Variants in KCNJ6 observed in about 807,000 individuals in gnomAD.
KCNJ6 encodes the protein G protein-activated inward rectifier potassium channel 2.
KCNJ6 carries 9 observed loss-of-function variants against 34.2 expected under a neutral mutation model. That is an observed-to-expected ratio of 0.26 (90% confidence interval 0.16 to 0.46). KCNJ6 has a LOEUF of 0.46. Among genes scored for constraint, KCNJ6 ranks in the 20% least tolerant of loss-of-function variants. KCNJ6 has a pLI of 1.00. For synonymous variants in KCNJ6, 196 were observed against 207.1 expected, an observed-to-expected ratio of 0.95 and a Z score of 0.46; for missense variants, 236 against 531.3, an observed-to-expected ratio of 0.44 and a Z score of 5.46.
chr21:37,637,920 A>G (rs889153727), intron 3 of KCNJ6, among the ~76,000 whole-genome samples: 1 of 152,210 alleles, frequency 6.6e-6, no homozygotes, highest in African/African-American at 2.4e-5. Flanking sequence ...CCCTGCTGAC[A>G]CCTTGATCTT....
chr21:37,818,950 A>T (rs2123551796), intron 2 of KCNJ6, among the ~76,000 whole-genome samples: 1 of 152,288 alleles, frequency 6.6e-6, no homozygotes, highest in African/African-American at 2.4e-5. Flanking sequence ...ATTAACAGAC[A>T]GGATAAAGCA....
intron 3 of KCNJ6, among the ~76,000 whole-genome samples, chr21:37,650,705 A>G (rs1170256481): frequency 6.6e-6 from 1 of 152,180 alleles, no homozygotes; most frequent in African/African-American, 2.4e-5. Context: ...TCACTTGACA[A>G]TTTTTGAGGT....
At chr21:37,753,599 A>C (rs1469047171) in intron 2 of KCNJ6, among the ~76,000 whole-genome samples, 2 of 152,228 alleles carry the variant, frequency 1.3e-5, no homozygotes, top group African/African-American at 4.8e-5. Context: ...TGCAAAGGGC[A>C]GTCTGGAGAT....
chr21:37,712,858 G>GTA (rs543511471), intron 3 of KCNJ6, among the ~76,000 whole-genome samples: 2 of 150,612 alleles, frequency 1.3e-5, no homozygotes, highest in Non-Finnish European at 2.9e-5. Context: ...CAGGCTCAAG[G>GTA]TACAGATAGT....
At chr21:37,757,610 C>T (rs1016985909) in intron 2 of KCNJ6, among the ~76,000 whole-genome samples, 51 of 151,318 alleles carry the variant, frequency 3.4e-4, no homozygotes, top group Non-Finnish European at 5.0e-4. Context: ...CCGGAGTGAG[C>T]ACTCCCTCAC....
intron 2 of KCNJ6, among the ~76,000 whole-genome samples, chr21:37,722,148 CTAA>C (rs1484829206): frequency 1.3e-5 from 2 of 152,122 alleles, no homozygotes; most frequent in African/African-American, 2.4e-5. Flanking sequence ...TTTCTATACA[CTAA>C]TAATGTTCAA....
intron 2 of KCNJ6, among the ~76,000 whole-genome samples, chr21:37,731,442 GA>G (rs572059359): frequency 7.2e-4 from 109 of 152,266 alleles, no homozygotes; most frequent in Middle Eastern, 3.4e-3. Flanking sequence ...CGCAGCTAGG[GA>G]ATAGGATGAA....
At chr21:37,863,068 G>A (rs915570) in intron 1 of KCNJ6, among the ~76,000 whole-genome samples, 72,107 of 151,746 alleles carry the variant, frequency 0.48, 17,697 homozygotes, top group East Asian at 0.61. Flanking sequence ...GAGAATTACT[G>A]GTGAAGATCA....
intron 1 of KCNJ6, among the ~76,000 whole-genome samples, chr21:37,845,814 C>A (rs1328684673): frequency 6.6e-6 from 1 of 152,178 alleles, no homozygotes; most frequent in Non-Finnish European, 1.5e-5. Flanking sequence ...GGTGACTATG[C>A]AACCCACACC....
rs191909996 is a variant in KCNJ6, at chr21:37,650,909, C to T, written c.947-25425G>A. ...AGCTCGATAAATACTTGATAATACTCGATGACAACTCAAAAGTTCAATTCT... is the reference window on the plus strand; with the variant it reads ...AGCTCGATAAATACTTGATAATACTTGATGACAACTCAAAAGTTCAATTCT... On this transcript the variant is annotated intron_variant, in intron 3 of 3. Transcript: ENST00000609713. Among the ~76,000 whole-genome samples the T allele has an allele frequency of 2.7e-3, 409 of 152,216 alleles. 2 individuals carry two copies. The highest frequency in any genetic ancestry group is 8.5e-3 in the African/African-American group (354 of 41,540).
intron 2 of KCNJ6, among the ~76,000 whole-genome samples, chr21:37,764,066 T>C (rs576926976): frequency 1.3e-5 from 2 of 152,370 alleles, no homozygotes; most frequent in East Asian, 3.9e-4. Flanking sequence ...AGTGAATTAT[T>C]ATAACACATT....
At chr21:37,790,604 G>T (rs2055212263) in intron 2 of KCNJ6, among the ~76,000 whole-genome samples, 1 of 152,140 alleles carries the variant, frequency 6.6e-6, no homozygotes, top group South Asian at 2.1e-4. Flanking sequence ...AAGGCCAAGT[G>T]CCTTCACTCT....
intron 2 of KCNJ6, among the ~76,000 whole-genome samples, chr21:37,780,578 TG>T (rs1601468003): frequency 7.1e-6 from 1 of 140,324 alleles, no homozygotes; most frequent in East Asian, 2.1e-4. Flanking sequence ...GTGTATGTGG[TG>T]GGGGTGGGGG....
chr21:37,713,682 T>C (rs1201241304), intron 3 of KCNJ6, among the ~76,000 whole-genome samples: 1 of 152,210 alleles, frequency 6.6e-6, no homozygotes. Flanking sequence ...TTATACTTAC[T>C]GGGAGCTCAG....
rs1392886009 is a variant in KCNJ6 at position 37,608,691 on chromosome 21, G to A, written c.*16468C>T. 1 of 152,226 alleles carries A rather than the reference G, an allele frequency of 6.6e-6. No homozygotes were observed. The highest frequency in any genetic ancestry group is 6.5e-5 in the Admixed American group (1 of 15,278). 9.4% of individuals were successfully genotyped at this position (152,226 alleles called of 1,614,324 possible). On this transcript the variant is annotated 3_prime_UTR_variant, in exon 4 of 4. Transcript: ENST00000609713. ...GTATTTTCTCACAGGGTTTTGTGTG[G>A]TTCGATGCACTTAGCGCAGTGTTGT...
In KCNJ6 at chr21:37,815,312, G is replaced by C. The variant is rs777628994; in HGVS notation, c.25+25346C>G. Reference sequence around the variant, plus strand: ...TAAAGGATAAATGCTTGAGAGGATGGATACCTCATTCTCTATGATGTGATT... The same window carrying C: ...TAAAGGATAAATGCTTGAGAGGATGCATACCTCATTCTCTATGATGTGATT... On this transcript the variant is annotated intron_variant, in intron 2 of 3. Transcript: ENST00000609713. Among the ~76,000 whole-genome samples, 3 of 152,270 alleles carry C rather than the reference G, an allele frequency of 2.0e-5. No individual in the cohort carries two copies. In the South Asian group the frequency reaches 6.2e-4, roughly 32 times the overall value.
chr21:37,890,069 C>T (rs979447134), intron 1 of KCNJ6, among the ~76,000 whole-genome samples: 1 of 152,138 alleles, frequency 6.6e-6, no homozygotes, highest in African/African-American at 2.4e-5. Flanking sequence ...TATTAGTCTT[C>T]TCATACTGCT....
At chr21:37,866,990 G>A (rs1458323997) in intron 1 of KCNJ6, among the ~76,000 whole-genome samples, 1 of 152,150 alleles carries the variant, frequency 6.6e-6, no homozygotes, top group South Asian at 2.1e-4. Flanking sequence ...AATTGGCAAC[G>A]CAAACATGAT....
chr21:37,681,697 C>A (rs2054591355), intron 3 of KCNJ6, among the ~76,000 whole-genome samples: 1 of 152,192 alleles, frequency 6.6e-6, no homozygotes, highest in South Asian at 2.1e-4. Flanking sequence ...TCTTTCTATT[C>A]ATTCAACCTT....
Sources: gnomAD v4.1 joint callset for allele counts (sites outside exome capture counted in the v4.1 genomes callset) on GRCh38, gnomAD v4.1.1 for gene constraint, MANE v1.5 for transcripts, NCBI Gene and HGNC (gene_info 2026-07-23, HGNC 2026-07-21) for gene names.